NCKAP1L: variants seen among roughly 807,000 people sequenced by gnomAD.
NCKAP1L encodes NCK associated protein 1 like, also known as nck-associated protein 1-like.
A neutral mutation model predicts 139.2 loss-of-function variants in NCKAP1L; 53 were observed. The observed-to-expected ratio is 0.38, with a 90% CI of 0.31 to 0.48. The LOEUF (loss-of-function observed/expected upper bound fraction) is 0.48, where lower values mean the gene tolerates loss of function less well. NCKAP1L is among the 20% of genes least tolerant of loss of function. The pLI is 0.98. For synonymous variants in NCKAP1L, 468 were observed against 499.7 expected (o/e 0.94, Z 0.85); for missense variants, 1,151 against 1,381.9 (o/e 0.83, Z 2.65).
chr12:54,497,762 G>C lies in NCKAP1L; in HGVS notation c.-28G>C, dbSNP rs1487166314. The C allele has an allele frequency of 2.0e-6, 3 of 1,468,432 alleles. No homozygotes were observed. The highest frequency in any genetic ancestry group is 1.8e-4 in the Middle Eastern group (1 of 5,696). 91.0% of individuals were successfully genotyped at this position (1,468,432 alleles called of 1,614,324 possible). ...GTGTTTGGGGAGATCAGACATTGCT[G>C]TCTGGTGCTCCTCTCTCAGTGGCCA... is the stretch of plus-strand genomic sequence containing the variant. On this transcript the variant is annotated 5_prime_UTR_variant, in exon 1 of 31. Transcript: ENST00000293373.
At position 54,543,073 on chromosome 12, in the gene NCKAP1L, T is replaced by C. The variant is rs551974391; in HGVS notation, c.*388T>C. 113 of 173,790 alleles carry C rather than the reference T, an allele frequency of 6.5e-4. No homozygotes were observed. Among genetic ancestry groups the C allele is most frequent in the Admixed American group, 2.7e-3 (46 of 17,156 alleles). 10.8% of individuals were successfully genotyped at this position (173,790 alleles called of 1,614,324 possible). On this transcript the variant is annotated 3_prime_UTR_variant, in exon 31 of 31. Coordinates refer to ENST00000293373, the MANE Select transcript of NCKAP1L (RefSeq NM_005337.5). The stretch of plus-strand genomic sequence containing the variant: ...AATGCTGGCGGGCAGAGATGATCAA[T>C]CATCATATTAAATCATAATGAGCTT...
intron 4 of NCKAP1L, 80 bp from the exon 5 acceptor site, chr12:54,508,309 G>A (rs903559356): frequency 4.4e-6 from 6 of 1,368,980 alleles, no homozygotes; most frequent in Admixed American, 1.7e-5. Context: ...ATTGAGCACT[G>A]TCCAGAGTGG....
intron 9 of NCKAP1L, among the ~76,000 whole-genome samples, chr12:54,513,175 GATTA>G (rs1352859169): frequency 2.6e-5 from 4 of 152,216 alleles, no homozygotes; most frequent in Non-Finnish European, 5.9e-5. Flanking sequence ...TAGAGGCAGA[GATTA>G]ATTAAGTAAA....
chr12:54,501,069 C>T (rs1956794357), intron 3 of NCKAP1L: 1 of 152,848 alleles, frequency 6.5e-6, no homozygotes, highest in Middle Eastern at 3.2e-3. Flanking sequence ...CATCTTTTCA[C>T]CTTGTAAACC....
rs759742064 is a variant in NCKAP1L at position 54,508,544 on chromosome 12, G to A, written c.506+13G>A. On this transcript the variant is annotated intron_variant, in intron 5 of 30. Transcript: ENST00000293373. Reference sequence around the variant, plus strand: ...TGCATGGGCATGGGTGAGTTAAGGCGAGAGTATTATATGAAGAGTCTCATA... The same window carrying A: ...TGCATGGGCATGGGTGAGTTAAGGCAAGAGTATTATATGAAGAGTCTCATA... The A allele has an allele frequency of 1.3e-4, 204 of 1,613,596 alleles. 3 individuals are homozygous for A. In the South Asian group the frequency reaches 2.2e-3, roughly 17 times the overall value.
chr12:54,498,794 C>T (rs1956771337), intron 1 of NCKAP1L: 5 of 985,218 alleles, frequency 5.1e-6, no homozygotes, highest in Non-Finnish European at 6.0e-6. Flanking sequence ...GTGCTGGGGC[C>T]AAGCAGGCAT....
intron 18 of NCKAP1L, among the ~76,000 whole-genome samples, chr12:54,523,088 A>C (rs991280342): frequency 6.6e-6 from 1 of 152,200 alleles, no homozygotes; most frequent in African/African-American, 2.4e-5. Context: ...TGTTCTTTAT[A>C]CTTGAGTTTT....
intron 18 of NCKAP1L, among the ~76,000 whole-genome samples, chr12:54,521,877 A>AGT (rs1286302838): frequency 7.2e-6 from 1 of 138,370 alleles, no homozygotes; most frequent in Non-Finnish European, 1.6e-5. Flanking sequence ...GGTAAAGGGG[A>AGT]GTGTGTGTAT....
intron 15 of NCKAP1L, 46 bp downstream of exon 15, chr12:54,519,018 TC>T: frequency 6.4e-7 from 1 of 1,569,412 alleles, no homozygotes; most frequent in South Asian, 1.1e-5. Flanking sequence ...AGATTCTTCC[TC>T]CCCCACAATC....
At chr12:54,532,960 TG>T (rs1371602497) in intron 26 of NCKAP1L, among the ~76,000 whole-genome samples, 2 of 152,336 alleles carry the variant, frequency 1.3e-5, no homozygotes, top group East Asian at 3.9e-4. Context: ...ATTCCTTTAA[TG>T]GAGAGTGGTC....
At chr12:54,508,688 G>A (rs1956861969) in intron 5 of NCKAP1L, among the ~76,000 whole-genome samples, 157 bp downstream of exon 5, 1 of 152,154 alleles carries the variant, frequency 6.6e-6, no homozygotes. Context: ...TACATATTCA[G>A]TTGACTCTGA....
intron 5 of NCKAP1L, 125 bp from the exon 6 acceptor site, chr12:54,509,544 A>G (rs1018419351): frequency 3.4e-5 from 24 of 699,078 alleles, no homozygotes; most frequent in Non-Finnish European, 5.4e-5. Flanking sequence ...ACAGTGTAGT[A>G]TGTATATCTT....
chr12:54,521,092 C>T (rs1350716722), intron 17 of NCKAP1L, 27 bp from the exon 18 acceptor site: 2 of 1,613,436 alleles, frequency 1.2e-6, no homozygotes, highest in South Asian at 1.1e-5. Context: ...TGATGACAGT[C>T]TCTTCTTTGG....
At position 54,532,206 on chromosome 12, in the gene NCKAP1L, A is replaced by G. The variant is rs758956100; in HGVS notation, c.2818A>G (p.Ile940Val). The change falls in exon 26 of 31, where the codon ATT becomes GTT. Residue 940 changes from isoleucine (I) to valine (V), a missense_variant. By Grantham distance (29) the Ile-to-Val change is conservative. Transcript: ENST00000293373. ...SSHCPFLMGP[I>V]ECLKEFVTPD... is the part of the protein sequence containing the mutation. ...CCACTGCCCATTTCTTATGGGTCCCATTGAGTGCTTGAAGGAGTTTGTCAC... is the reference window on the plus strand; with the variant it reads ...CCACTGCCCATTTCTTATGGGTCCCGTTGAGTGCTTGAAGGAGTTTGTCAC... The G allele has an allele frequency of 6.2e-7, 1 of 1,612,136 alleles. No homozygotes were observed. The highest frequency in any genetic ancestry group is 8.5e-7 in the Non-Finnish European group (1 of 1,179,546).
chr12:54,531,804 G>C lies in NCKAP1L; in HGVS notation c.2760G>C (p.Met920Ile). The C allele has an allele frequency of 6.2e-7, 1 of 1,611,894 alleles. No individual in the cohort carries two copies. The highest frequency in any genetic ancestry group is 1.7e-5 in the Admixed American group (1 of 59,986). Reference protein sequence around the residue: ...IIGVILSFRAMAQEGLREVFS... With the variant: ...IIGVILSFRAIAQEGLREVFS... ...GGGTTATCCTCAGTTTCAGGGCCATGGCCCAAGAGGGACTTCGGGAGGTGA... is the reference window on the plus strand; with the variant it reads ...GGGTTATCCTCAGTTTCAGGGCCATCGCCCAAGAGGGACTTCGGGAGGTGA... Residue 920 changes from methionine (M) to isoleucine (I), a missense_variant, in exon 25 of 31, where the codon ATG (methionine) becomes ATC (isoleucine). Transcript: ENST00000293373.
intron 9 of NCKAP1L, among the ~76,000 whole-genome samples, chr12:54,512,764 A>G (rs61923482): frequency 2.0e-5 from 3 of 149,944 alleles, no homozygotes; most frequent in South Asian, 2.1e-4. Flanking sequence ...GAGTGTGTGT[A>G]TGTGTGTGTG....
intron 1 of NCKAP1L, among the ~76,000 whole-genome samples, chr12:54,498,409 G>T (rs546820595): frequency 9.2e-5 from 14 of 151,390 alleles, no homozygotes; most frequent in Admixed American, 2.0e-4. Context: ...TTGTGTGTGT[G>T]TGTGTGTGTG....
chr12:54,524,533 G>A (rs537914693), intron 20 of NCKAP1L, among the ~76,000 whole-genome samples: 1 of 152,280 alleles, frequency 6.6e-6, no homozygotes, highest in East Asian at 1.9e-4. Context: ...GCAAGTGGGT[G>A]AATGGGAGGA....
chr12:54,500,516 T>C lies in NCKAP1L; in HGVS notation c.214-17T>C, dbSNP rs1238441993. The C allele has an allele frequency of 6.4e-7, 1 of 1,572,758 alleles. No individual in the cohort carries two copies. The highest frequency in any genetic ancestry group is 1.1e-5 in the South Asian group (1 of 90,158). On this transcript the variant is annotated splice_polypyrimidine_tract_variant and intron_variant, in intron 2 of 30. Transcript: ENST00000293373. Reference sequence around the variant, plus strand: ...TATTTTGCACTTTTTTATTGTTTTGTTTTGTGTTTCTCTCAGCAACATTTA... The same window carrying C: ...TATTTTGCACTTTTTTATTGTTTTGCTTTGTGTTTCTCTCAGCAACATTTA...
Sources: allele counts gnomAD v4.1 joint callset (sites outside exome capture counted in the v4.1 genomes callset), GRCh38; gene constraint gnomAD v4.1.1; transcripts MANE v1.5; gene names NCBI Gene and HGNC (gene_info 2026-07-23, HGNC 2026-07-21).